Variants in KCNB2 observed in about 807,000 individuals in gnomAD.
The protein encoded by KCNB2 is potassium voltage-gated channel subfamily B member 2.
A neutral mutation model predicts 61.5 loss-of-function variants in KCNB2; 15 were observed. The observed-to-expected ratio is 0.24, with a 90% CI of 0.16 to 0.38. The LOEUF is 0.38. Ranked by LOEUF, KCNB2 falls within the 10% of genes least tolerant of loss-of-function variation. KCNB2 has a pLI of 1.00. For synonymous variants in KCNB2, 457 were observed against 446.0 expected (o/e 1.02, Z -0.31); for missense variants, 828 against 1,125.2 (o/e 0.74, Z 3.78).
At chr8:72,665,719 T>G (rs1288910867) in intron 2 of KCNB2, among the ~76,000 whole-genome samples, 1 of 120,322 alleles carries the variant, frequency 8.3e-6, no homozygotes, top group African/African-American at 2.9e-5. Flanking sequence ...GTTCCTGTTT[T>G]TATGGATATT....
intron 2 of KCNB2, among the ~76,000 whole-genome samples, chr8:72,631,443 C>T (rs961815374): frequency 5.3e-5 from 8 of 152,218 alleles, no homozygotes; most frequent in African/African-American, 1.7e-4. Context: ...ACTCTGTCTT[C>T]ATCTTCACAT....
intron 2 of KCNB2, among the ~76,000 whole-genome samples, chr8:72,665,263 T>C (rs1806448786): frequency 6.6e-6 from 1 of 152,052 alleles, no homozygotes; most frequent in Non-Finnish European, 1.5e-5. Context: ...GGAGGGATGG[T>C]GAGAGGTCAA....
chr8:72,717,838 C>G (rs1268900132), intron 2 of KCNB2, among the ~76,000 whole-genome samples: 5 of 152,188 alleles, frequency 3.3e-5, no homozygotes, highest in Non-Finnish European at 7.3e-5. Context: ...TGAAGAGTTT[C>G]TGCACAGCAA....
chr8:72,634,736 T>C (rs959266376), intron 2 of KCNB2, among the ~76,000 whole-genome samples: 17 of 152,290 alleles, frequency 1.1e-4, no homozygotes, highest in Non-Finnish European at 1.8e-4. Flanking sequence ...AATAATGTAA[T>C]TTAAAGTGAA....
chr8:72,586,043 A>G (rs1225795733), intron 2 of KCNB2, among the ~76,000 whole-genome samples: 1 of 152,204 alleles, frequency 6.6e-6, no homozygotes, highest in African/African-American at 2.4e-5. Context: ...CAGCATTCCT[A>G]AAAAATGACA....
At position 72,936,710 on chromosome 8, in the gene KCNB2, T is replaced by C; in HGVS notation, c.1355T>C (p.Met452Thr). ...RAKRNGSIVS[M>T]NLKDAFARSM... is the part of the protein sequence containing the mutation. ...AAAAGGAACGGAAGCATCGTTTCTA[T>C]GAACTTAAAAGATGCCTTCGCTCGA... The change falls in exon 3 of 3, where the codon ATG (methionine) becomes ACG (threonine). Residue 452 changes from methionine (M) to threonine (T), a missense_variant. By Grantham distance (81) the Met-to-Thr change is moderately conservative (BLOSUM62 -1). Coordinates refer to ENST00000523207, the MANE Select transcript of KCNB2 (RefSeq NM_004770.3). The surrounding 1 kb of genome is among the most constrained non-coding windows in gnomAD (Gnocchi z 5.6). The C allele has an allele frequency of 6.2e-7, 1 of 1,614,172 alleles. No individual in the cohort carries two copies. Among genetic ancestry groups the C allele is most frequent in the South Asian group, 1.1e-5 (1 of 91,084 alleles).
chr8:72,749,935 G>C (rs529156520), intron 2 of KCNB2, among the ~76,000 whole-genome samples: 1 of 149,096 alleles, frequency 6.7e-6, no homozygotes, highest in Non-Finnish European at 1.5e-5. Context: ...ACAAATGAAG[G>C]TGTAGAATAT....
At chr8:72,834,729 CT>C (rs1374546655) in intron 2 of KCNB2, among the ~76,000 whole-genome samples, 1 of 152,048 alleles carries the variant, frequency 6.6e-6, no homozygotes, top group Non-Finnish European at 1.5e-5. Flanking sequence ...CTGGGCATAC[CT>C]TTCTGTAAAA....
intron 2 of KCNB2, among the ~76,000 whole-genome samples, chr8:72,827,201 CT>C (rs1809609580): frequency 6.6e-6 from 1 of 152,096 alleles, no homozygotes; most frequent in Admixed American, 6.5e-5. Flanking sequence ...AGTTTTCACC[CT>C]CTGAGCATCT....
chr8:72,711,984 T>C (rs951972978), intron 2 of KCNB2, among the ~76,000 whole-genome samples: 1 of 152,148 alleles, frequency 6.6e-6, no homozygotes, highest in African/African-American at 2.4e-5. Context: ...ATAGCAAGAC[T>C]CCATCTCAAG....
intron 2 of KCNB2, among the ~76,000 whole-genome samples, chr8:72,678,761 G>A (rs2256816): frequency 0.16 from 23,773 of 152,224 alleles, 2,270 homozygotes; most frequent in African/African-American, 0.26. Context: ...TATGTGTTGA[G>A]TGAATTACTG....
chr8:72,670,842 A>G (rs533955423), intron 2 of KCNB2, among the ~76,000 whole-genome samples: 23 of 152,166 alleles, frequency 1.5e-4, no homozygotes, highest in African/African-American at 5.5e-4. Context: ...CACCCTCATT[A>G]GTTTTTAAAG....
intron 2 of KCNB2, among the ~76,000 whole-genome samples, chr8:72,792,557 A>G (rs745426198): frequency 3.9e-5 from 6 of 152,220 alleles, no homozygotes; most frequent in African/African-American, 1.4e-4. Flanking sequence ...AACTGGTTGC[A>G]TGGTACTTGG....
intron 2 of KCNB2, among the ~76,000 whole-genome samples, chr8:72,698,846 C>T (rs1807064017): frequency 6.6e-6 from 1 of 152,036 alleles, no homozygotes; most frequent in Non-Finnish European, 1.5e-5. Context: ...CACCTTTCAC[C>T]AGATAAAAAA....
chr8:72,857,100 T>C (rs568175560), intron 2 of KCNB2, among the ~76,000 whole-genome samples: 2 of 152,338 alleles, frequency 1.3e-5, no homozygotes, highest in South Asian at 2.1e-4. Context: ...CAATGAATAT[T>C]TATTGAGCAT....
In KCNB2 at chr8:72,719,046, A is replaced by G. The variant is rs189846113; in HGVS notation, c.579+150733A>G. Among the ~76,000 whole-genome samples, 63 of 152,144 alleles carry G rather than the reference A, an allele frequency of 4.1e-4. 1 individual carries two copies. In the East Asian group the frequency reaches 0.012, roughly 28 times the overall value. On this transcript the variant is annotated intron_variant, in intron 2 of 2. Coordinates refer to ENST00000523207, the MANE Select transcript of KCNB2 (RefSeq NM_004770.3). ...ACTTTAGAAAACATCTGAAGAAAAC[A>G]TCTGAAGAGAGGCAACAGTGTTTTT... is the stretch of plus-strand genomic sequence containing the variant.
chr8:72,867,897 G>T (rs2129004524), intron 2 of KCNB2, among the ~76,000 whole-genome samples: 1 of 152,154 alleles, frequency 6.6e-6, no homozygotes. Context: ...AACATTATTT[G>T]GCTGTTATCT....
intron 2 of KCNB2, among the ~76,000 whole-genome samples, chr8:72,890,991 C>T (rs1489285231): frequency 6.6e-6 from 1 of 152,090 alleles, no homozygotes; most frequent in Non-Finnish European, 1.5e-5. Flanking sequence ...CAACACAAAC[C>T]CCATCGTCCT....
chr8:72,685,607 T>C (rs1224724566), intron 2 of KCNB2, among the ~76,000 whole-genome samples: 3 of 151,960 alleles, frequency 2.0e-5, no homozygotes, highest in Non-Finnish European at 4.4e-5. Context: ...GAAGGTAACA[T>C]AGAAGAGGAA....
Sources: allele counts gnomAD v4.1 joint callset (sites outside exome capture counted in the v4.1 genomes callset), GRCh38; gene constraint gnomAD v4.1.1; non-coding constraint Gnocchi (gnomAD v3.1); transcripts MANE v1.5; gene names NCBI Gene and HGNC (gene_info 2026-07-23, HGNC 2026-07-21).